The following ENTREP2 variants were observed in gnomAD, a reference collection of about 807,000 sequenced individuals.
ENTREP2 encodes protein ENTREP2.
At chr15:29,545,316 A>C in the ENTREP2 span, among the ~76,000 whole-genome samples, 2 of 152,232 alleles carry the variant, frequency 1.3e-5, no homozygotes, top group Non-Finnish European at 2.9e-5. Flanking sequence ...ATGCTTTGAA[A>C]TTATGCTGTC....
At chr15:29,126,297 C>T in the ENTREP2 span, 35 of 1,488,908 alleles carry the variant, frequency 2.4e-5, no homozygotes, top group East Asian at 2.2e-4. Context: ...AAGGTGGGGT[C>T]GCTGGTGGAG....
At chr15:29,399,456 T>C in the ENTREP2 span, among the ~76,000 whole-genome samples, 1 of 152,196 alleles carries the variant, frequency 6.6e-6, no homozygotes, top group African/African-American at 2.4e-5. Context: ...ATCATTACTA[T>C]TTGAAAATAA....
At chr15:29,666,382 T>C in the ENTREP2 span, among the ~76,000 whole-genome samples, 1 of 151,744 alleles carries the variant, frequency 6.6e-6, no homozygotes, top group Admixed American at 6.6e-5. Context: ...TGGGTCTGCT[T>C]TCCAAATCCA....
chr15:29,651,479 TCA>T, the ENTREP2 span, among the ~76,000 whole-genome samples: 2 of 152,182 alleles, frequency 1.3e-5, no homozygotes, highest in Non-Finnish European at 2.9e-5. Context: ...CCTCCCATTC[TCA>T]GAGTGGGCTG....
the ENTREP2 span, among the ~76,000 whole-genome samples, chr15:29,211,742 A>AT: frequency 6.6e-6 from 1 of 152,048 alleles, no homozygotes; most frequent in African/African-American, 2.4e-5. Context: ...TGATCATGTG[A>AT]TTTTTGTATT....
chr15:29,433,109 T>C, the ENTREP2 span, among the ~76,000 whole-genome samples: 1 of 152,174 alleles, frequency 6.6e-6, no homozygotes, highest in Non-Finnish European at 1.5e-5. Context: ...GGAACCTGCC[T>C]GGGCCAGCCC....
At chr15:29,469,716 G>C in the ENTREP2 span, among the ~76,000 whole-genome samples, 3 of 152,146 alleles carry the variant, frequency 2.0e-5, no homozygotes, top group African/African-American at 7.2e-5. Context: ...CTTCAACATG[G>C]TTAAGAGGAT....
the ENTREP2 span, among the ~76,000 whole-genome samples, chr15:29,581,956 T>G: frequency 6.6e-6 from 1 of 151,832 alleles, no homozygotes; most frequent in Non-Finnish European, 1.5e-5. Context: ...TTTTTTTTTT[T>G]TTTTAGATAG....
the ENTREP2 span, among the ~76,000 whole-genome samples, chr15:29,617,011 G>A: frequency 6.6e-6 from 1 of 152,190 alleles, no homozygotes; most frequent in Non-Finnish European, 1.5e-5. Context: ...AGTGAGCCGA[G>A]ATCATGCCAC....
chr15:29,600,439 C>CCATCATCAT, the ENTREP2 span, among the ~76,000 whole-genome samples: 6,866 of 141,744 alleles, frequency 0.048, 166 homozygotes, highest in Middle Eastern at 0.062. Flanking sequence ...TTCTCTCCCA[C>CCATCATCAT]CATCATCATC....
At chr15:29,130,230 C>T in the ENTREP2 span, among the ~76,000 whole-genome samples, 5 of 152,206 alleles carry the variant, frequency 3.3e-5, no homozygotes, top group Non-Finnish European at 7.3e-5. Context: ...CACTAAGATG[C>T]TTTCGCATAA....
chr15:29,624,871 T>TTTTGTG, the ENTREP2 span, among the ~76,000 whole-genome samples: 2 of 143,624 alleles, frequency 1.4e-5, no homozygotes, highest in African/African-American at 5.2e-5. Context: ...CTGCATTAAT[T>TTTTGTG]TGTGTGTGTG....
chr15:29,414,094 A>G, the ENTREP2 span, among the ~76,000 whole-genome samples: 1 of 152,116 alleles, frequency 6.6e-6, no homozygotes, highest in African/African-American at 2.4e-5. Context: ...GATCAACGAG[A>G]CAGAAAGTTA....
the ENTREP2 span, among the ~76,000 whole-genome samples, chr15:29,621,490 T>TC: frequency 8.0e-5 from 9 of 111,990 alleles, no homozygotes; most frequent in African/African-American, 3.2e-4. Context: ...GCCACTGCAC[T>TC]CCAGCCTGGG....
chr15:29,496,107 T>C, the ENTREP2 span, among the ~76,000 whole-genome samples: 2 of 152,050 alleles, frequency 1.3e-5, no homozygotes, highest in Non-Finnish European at 1.5e-5. Context: ...TTTTGGTGTA[T>C]AGATCTTGCA....
chr15:29,361,343 T>C, the ENTREP2 span, among the ~76,000 whole-genome samples: 4 of 152,194 alleles, frequency 2.6e-5, no homozygotes, highest in African/African-American at 7.2e-5. Context: ...AAGGACATGC[T>C]CTTCAAATGC....
the ENTREP2 span, among the ~76,000 whole-genome samples, chr15:29,413,284 TTAAG>T: frequency 3.9e-5 from 6 of 152,266 alleles, no homozygotes; most frequent in Non-Finnish European, 7.4e-5. Context: ...GTTGTGTTCT[TTAAG>T]TTATTACATA....
At chr15:29,526,814 G>A in the ENTREP2 span, among the ~76,000 whole-genome samples, 346 of 151,734 alleles carry the variant, frequency 2.3e-3, 2 homozygotes, top group African/African-American at 7.7e-3. Context: ...CTTTCCAGTC[G>A]TGCCAACCTA....
the ENTREP2 span, among the ~76,000 whole-genome samples, chr15:29,424,222 A>T: frequency 1.3e-5 from 2 of 152,134 alleles, no homozygotes; most frequent in Non-Finnish European, 2.9e-5. Flanking sequence ...CAAAAATACA[A>T]AACCTCTGCA....
Sources: allele counts gnomAD v4.1 joint callset (sites outside exome capture counted in the v4.1 genomes callset), GRCh38; gene constraint gnomAD v4.1.1; transcripts MANE v1.5; gene names NCBI Gene and HGNC (gene_info 2026-07-23, HGNC 2026-07-21).